FRMD4B: variants seen among roughly 807,000 people sequenced by gnomAD.
FRMD4B encodes FERM domain containing 4B.
A neutral mutation model predicts 141.5 loss-of-function variants in FRMD4B; 74 were observed. The ratio of observed to expected loss-of-function variants is 0.52; its 90% CI spans 0.43 to 0.63. FRMD4B has a LOEUF of 0.63. FRMD4B is among the 30% of genes least tolerant of loss of function. The pLI is 0.00. For missense variants in FRMD4B, 1,366 were observed against 1,253.4 expected (o/e 1.09, Z -1.36); for synonymous variants, 506 against 467.9 (o/e 1.08, Z -1.05).
intron 1 of FRMD4B, among the ~76,000 whole-genome samples, chr3:69,379,424 A>C (rs1004582375): frequency 6.6e-6 from 1 of 152,056 alleles, no homozygotes; most frequent in African/African-American, 2.4e-5. Context: ...GGCTACAGGC[A>C]CACACCACCA....
chr3:69,487,026 C>T (rs886517081), intron 1 of FRMD4B, among the ~76,000 whole-genome samples: 2 of 152,152 alleles, frequency 1.3e-5, no homozygotes, highest in African/African-American at 4.8e-5. Flanking sequence ...CTTAAGATAA[C>T]GTCTGACAGG....
intron 4 of FRMD4B, among the ~76,000 whole-genome samples, chr3:69,291,032 T>A (rs1480585281): frequency 6.6e-6 from 1 of 152,168 alleles, no homozygotes; most frequent in Non-Finnish European, 1.5e-5. Flanking sequence ...GTACGTGTGT[T>A]CTCTATTGCT....
chr3:69,503,166 C>G (rs1706529981), intron 1 of FRMD4B, among the ~76,000 whole-genome samples: 1 of 152,068 alleles, frequency 6.6e-6, no homozygotes, highest in Non-Finnish European at 1.5e-5. Context: ...ACCATTTGAC[C>G]CAGCCATCCC....
chr3:69,216,163 C>CA (rs2107727517), intron 11 of FRMD4B, 100 bp downstream of exon 11: 6 of 686,878 alleles, frequency 8.7e-6, no homozygotes, highest in Non-Finnish European at 1.5e-5. Flanking sequence ...CAAAAAAAAC[C>CA]AAAAAAACCC....
intron 1 of FRMD4B, among the ~76,000 whole-genome samples, chr3:69,379,156 G>C (rs1242067099): frequency 6.6e-6 from 1 of 152,070 alleles, no homozygotes. Context: ...AATTATTTCA[G>C]GTATGAATGA....
chr3:69,225,085 A>T lies in FRMD4B; in HGVS notation c.582-395T>A, dbSNP rs1001337766. On this transcript the variant is annotated intron_variant, in intron 7 of 22. Coordinates refer to ENST00000398540, the MANE Select transcript of FRMD4B (RefSeq NM_015123.3). ...GTTATCATGAAACCATTCACATAAC[A>T]TCAACAATTTTTCGTAATAGATATC... Among the ~76,000 whole-genome samples, 7 of 152,320 alleles carry T rather than the reference A, an allele frequency of 4.6e-5. No individual in the cohort carries two copies. In the East Asian group the frequency reaches 1.2e-3, roughly 25 times the overall value.
At chr3:69,262,898 A>G (rs964613466) in intron 5 of FRMD4B, among the ~76,000 whole-genome samples, 163 of 152,362 alleles carry the variant, frequency 1.1e-3, no homozygotes, top group African/African-American at 3.6e-3. Context: ...AGACAATAAA[A>G]GAATACATAC....
chr3:69,356,810 C>T (rs561653715), intron 1 of FRMD4B, among the ~76,000 whole-genome samples: 1 of 151,994 alleles, frequency 6.6e-6, no homozygotes, highest in Admixed American at 6.6e-5. Flanking sequence ...AACCTCATGC[C>T]AGACAGAAGA....
intron 2 of FRMD4B, among the ~76,000 whole-genome samples, chr3:69,313,125 T>A (rs976227802): frequency 6.6e-6 from 1 of 152,118 alleles, no homozygotes; most frequent in East Asian, 1.9e-4. Flanking sequence ...CGGTTCCCAA[T>A]TTACCGGCAA....
At chr3:69,180,701 A>T (rs1328225293) in intron 21 of FRMD4B, among the ~76,000 whole-genome samples, 198 bp downstream of exon 21, 1 of 152,024 alleles carries the variant, frequency 6.6e-6, no homozygotes, top group Non-Finnish European at 1.5e-5. Flanking sequence ...GCTTCATTAG[A>T]CTCATGTGTA....
At chr3:69,467,732 A>C (rs1486099634) in intron 1 of FRMD4B, among the ~76,000 whole-genome samples, 4 of 152,212 alleles carry the variant, frequency 2.6e-5, no homozygotes, top group Admixed American at 6.5e-5. Flanking sequence ...CAGAAGAAGA[A>C]TATGACTAGT....
At chr3:69,265,964 A>G (rs2093559577) in intron 5 of FRMD4B, among the ~76,000 whole-genome samples, 2 of 151,970 alleles carry the variant, frequency 1.3e-5, no homozygotes, top group Non-Finnish European at 2.9e-5. Flanking sequence ...TGGGAGGCCT[A>G]GGCAGGAGGA....
chr3:69,366,436 T>C (rs1051920593), intron 1 of FRMD4B, among the ~76,000 whole-genome samples: 2 of 129,698 alleles, frequency 1.5e-5, no homozygotes, highest in African/African-American at 6.2e-5. Context: ...AAATACATTT[T>C]AGAATAAATT....
intron 4 of FRMD4B, among the ~76,000 whole-genome samples, chr3:69,290,073 T>C (rs904251172): frequency 1.3e-5 from 2 of 152,164 alleles, no homozygotes; most frequent in Non-Finnish European, 2.9e-5. Flanking sequence ...CTTTTCCTTT[T>C]GGGTAGACAG....
intron 2 of FRMD4B, among the ~76,000 whole-genome samples, chr3:69,420,425 C>T (rs534435635): frequency 5.9e-5 from 9 of 152,120 alleles, no homozygotes; most frequent in East Asian, 3.9e-4. Context: ...ACAAAGTAAG[C>T]GTTTTAACAC....
Position 69,181,348 on chromosome 3 carries a change from G to A in FRMD4B, c.2402C>T (p.Ser801Phe), listed in dbSNP as rs1166023481. ...GTACCCGGCAATGTAGTAACTGGAA[G>A]ACGGTGGCTCCTGACTCTTTGAGTA... is the stretch of plus-strand genomic sequence containing the variant. ...GVYSKSQEPP[S>F]SSYYIAGYTP... Residue 801 changes from serine (S) to phenylalanine (F), a missense_variant, in exon 21 of 23, where the codon TCT (serine) becomes TTT (phenylalanine). Transcript: ENST00000398540. 1 of 1,613,796 alleles carries A rather than the reference G, an allele frequency of 6.2e-7. No homozygotes were observed. The highest frequency in any genetic ancestry group is 2.2e-5 in the East Asian group (1 of 44,888).
intron 1 of FRMD4B, among the ~76,000 whole-genome samples, chr3:69,489,625 A>G (rs1269547501): frequency 1.3e-5 from 2 of 152,220 alleles, no homozygotes; most frequent in East Asian, 3.8e-4. Context: ...GAACCTTCAC[A>G]CACTGCTGGT....
intron 1 of FRMD4B, among the ~76,000 whole-genome samples, chr3:69,326,470 T>C (rs1167259654): frequency 6.6e-6 from 1 of 152,384 alleles, no homozygotes; most frequent in East Asian, 1.9e-4. Context: ...ACACCTTATC[T>C]GATTGTGACC....
intron 1 of FRMD4B, among the ~76,000 whole-genome samples, chr3:69,456,748 AAAG>A (rs1235062499): frequency 2.0e-5 from 3 of 152,082 alleles, no homozygotes; most frequent in Non-Finnish European, 2.9e-5. Context: ...AAAAAAAAAA[AAAG>A]CATATGTCTG....
Sources: gnomAD v4.1 joint callset for allele counts (sites outside exome capture counted in the v4.1 genomes callset) on GRCh38, gnomAD v4.1.1 for gene constraint, MANE v1.5 for transcripts, NCBI Gene and HGNC (gene_info 2026-07-23, HGNC 2026-07-21) for gene names.